The following SPEN variants were observed in gnomAD, a reference collection of about 807,000 sequenced individuals.
SPEN encodes the protein spen family transcriptional repressor.
SPEN carries 18 observed loss-of-function variants against 269.9 expected under a neutral mutation model. That is an observed-to-expected ratio of 0.07 (90% CI 0.05 to 0.10). SPEN has a LOEUF of 0.10. Ranked by LOEUF, SPEN falls within the 10% of genes least tolerant of loss-of-function variation. SPEN has a pLI of 1.00. For synonymous variants in SPEN, 1,726 were observed against 1,765.7 expected (o/e 0.98, Z 0.56); for missense variants, 3,822 against 4,631.2 (o/e 0.83, Z 5.07).
At chr1:15,859,741 T>G (rs1318513243) in intron 1 of SPEN, among the ~76,000 whole-genome samples, 1 of 152,034 alleles carries the variant, frequency 6.6e-6, no homozygotes, top group African/African-American at 2.4e-5. Flanking sequence ...ATTGGATTGA[T>G]TTGAAATTTG....
chr1:15,858,807 G>A (rs2070411892), intron 1 of SPEN, among the ~76,000 whole-genome samples: 1 of 151,980 alleles, frequency 6.6e-6, no homozygotes, highest in Non-Finnish European at 1.5e-5. Context: ...ACCCGGGCAC[G>A]ATGGCGCACA....
In SPEN at chr1:15,935,208, C is replaced by G. The variant is rs752974887; in HGVS notation, c.8968C>G (p.Leu2990Val). ...STLTPHHPPA[L>V]PSKLPTEVNH... The stretch of plus-strand genomic sequence containing the variant: ...GCTCACGCCCCACCACCCTCCTGCT[C>G]TGCCCAGCAAACTGCCTACAGAAGT... The change falls in exon 11 of 15, where the codon CTG becomes GTG. Residue 2990 changes from leucine (L) to valine (V), a missense_variant. Coordinates refer to ENST00000375759, the MANE Select transcript of SPEN (RefSeq NM_015001.3). The surrounding 1 kb of genome is among the most constrained non-coding windows in gnomAD (Gnocchi z 7.7). 1.7e-5 allele frequency: 28 copies of G among 1,614,040 alleles called. No homozygotes were observed. Among genetic ancestry groups the G allele is most frequent in the Middle Eastern group, 1.6e-4 (1 of 6,084 alleles).
At chr1:15,890,562 T>G (rs1055282296) in intron 3 of SPEN, among the ~76,000 whole-genome samples, 8 of 150,764 alleles carry the variant, frequency 5.3e-5, no homozygotes, top group South Asian at 2.1e-4. Context: ...ACTCAGGTTT[T>G]TTTTTTTTTT....
intron 3 of SPEN, among the ~76,000 whole-genome samples, chr1:15,877,637 A>G (rs1436939424): frequency 6.6e-6 from 1 of 151,856 alleles, no homozygotes; most frequent in East Asian, 1.9e-4. Context: ...CTTCAAACCT[A>G]GTTATATGGA....
chr1:15,906,196 C>G (rs1293510887), intron 3 of SPEN, among the ~76,000 whole-genome samples: 1 of 152,046 alleles, frequency 6.6e-6, no homozygotes, highest in Admixed American at 6.6e-5. Flanking sequence ...ATGACAATAT[C>G]GTATTCAGGA....
Position 15,934,501 on chromosome 1 carries a change from C to T in SPEN, c.8261C>T (p.Thr2754Met), listed in dbSNP as rs146330997. Residue 2754 changes from threonine (T) to methionine (M), a missense_variant, in exon 11 of 15, where the codon ACG becomes ATG. Coordinates refer to ENST00000375759, the MANE Select transcript of SPEN (RefSeq NM_015001.3). This position sits in a 1 kb window ranked among gnomAD's most constrained non-coding sequence, Gnocchi z 9.2. Reference protein sequence around the residue: ...GAVTAASGGVTATTGTVTMAG... With the variant: ...GAVTAASGGVMATTGTVTMAG... The stretch of plus-strand genomic sequence containing the variant: ...GTTACTGCTGCATCTGGTGGTGTAA[C>T]GGCCACAACAGGCACGGTGACAATG... 466 of 1,613,934 alleles carry T rather than the reference C, an allele frequency of 2.9e-4. 2 individuals are homozygous for T. Among genetic ancestry groups the T allele is most frequent in the South Asian group, 1.1e-4 (10 of 91,084 alleles).
chr1:15,850,052 G>C (rs1292959311), intron 1 of SPEN, among the ~76,000 whole-genome samples: 2 of 152,184 alleles, frequency 1.3e-5, no homozygotes, highest in African/African-American at 4.8e-5. Flanking sequence ...GAAGAAAGAG[G>C]AAATCGTCCC....
At chr1:15,860,593 G>A (rs939858082) in intron 1 of SPEN, among the ~76,000 whole-genome samples, 3 of 151,158 alleles carry the variant, frequency 2.0e-5, no homozygotes, top group Non-Finnish European at 4.4e-5. Context: ...AGGTGTGTGA[G>A]TCTGGCTATT....
At chr1:15,926,919 C>A (rs1320646882) in intron 10 of SPEN, among the ~76,000 whole-genome samples, 2 of 152,056 alleles carry the variant, frequency 1.3e-5, no homozygotes, top group African/African-American at 4.8e-5. Flanking sequence ...GTCTTGATCT[C>A]CTAACCTCGT....
In SPEN at chr1:15,913,377, C is replaced by T. The variant is rs183826914; in HGVS notation, c.1243+2076C>T. Reference sequence around the variant, plus strand: ...GGTTGTGAAGGTTAAGTGGACTACACGTGGAAAACTTTTTTTTTTGCTAAC... The same window carrying T: ...GGTTGTGAAGGTTAAGTGGACTACATGTGGAAAACTTTTTTTTTTGCTAAC... On this transcript the variant is annotated intron_variant, in intron 5 of 14. Coordinates refer to ENST00000375759, the MANE Select transcript of SPEN (RefSeq NM_015001.3). 4.0e-4 allele frequency among the ~76,000 whole-genome samples: 61 copies of T among 152,108 alleles called. 1 individual carries two copies. The highest frequency in any genetic ancestry group is 2.7e-3 in the Admixed American group (42 of 15,282).
intron 3 of SPEN, among the ~76,000 whole-genome samples, chr1:15,881,916 C>T (rs1329829184): frequency 1.3e-5 from 2 of 152,164 alleles, no homozygotes; most frequent in Non-Finnish European, 2.9e-5. Context: ...GTATAGTGGA[C>T]AAAATATAGC....
rs532796017 is a variant in SPEN at position 15,863,120 on chromosome 1, T to C, written c.84-9696T>C. On this transcript the variant is annotated intron_variant, in intron 1 of 14. Transcript: ENST00000375759. The stretch of plus-strand genomic sequence containing the variant: ...TAAAAGGTAGTTGGGCATGGTGGTA[T>C]GTACCTATAGTCCAGCTACTTGGAA... Among the ~76,000 whole-genome samples, 6 of 152,254 alleles carry C rather than the reference T, an allele frequency of 3.9e-5. No homozygotes were observed. In the East Asian group the frequency reaches 1.2e-3, roughly 30 times the overall value.
intron 3 of SPEN, among the ~76,000 whole-genome samples, chr1:15,904,452 CAAAAA>C (rs1215369183): frequency 1.0e-3 from 51 of 48,630 alleles, no homozygotes; most frequent in South Asian, 2.5e-3. Flanking sequence ...AACTCCATCT[CAAAAA>C]AAAAAAAAAA....
intron 1 of SPEN, among the ~76,000 whole-genome samples, chr1:15,865,138 G>A (rs555335611): frequency 7.9e-5 from 12 of 151,316 alleles, no homozygotes; most frequent in Admixed American, 2.6e-4. Context: ...CGCAACCTCC[G>A]CCTCCTGGGT....
chr1:15,860,147 G>A (rs1033437879), intron 1 of SPEN, among the ~76,000 whole-genome samples: 26 of 151,800 alleles, frequency 1.7e-4, no homozygotes, highest in African/African-American at 5.5e-4. Flanking sequence ...TCCTGACCTC[G>A]TGATCCGCCC....
intron 3 of SPEN, among the ~76,000 whole-genome samples, chr1:15,893,742 A>G (rs2070811553): frequency 6.6e-6 from 1 of 152,054 alleles, no homozygotes; most frequent in Non-Finnish European, 1.5e-5. Context: ...TTAAAAAAAA[A>G]CAAAAAAAAG....
chr1:15,865,345 G>A (rs554195632), intron 1 of SPEN, among the ~76,000 whole-genome samples: 25 of 149,936 alleles, frequency 1.7e-4, no homozygotes, highest in Non-Finnish European at 3.4e-4. Context: ...GAGCCACCAC[G>A]CCTGGCGAGT....
intron 10 of SPEN, among the ~76,000 whole-genome samples, chr1:15,927,118 A>G (rs1410258003): frequency 1.3e-5 from 2 of 152,228 alleles, no homozygotes; most frequent in Non-Finnish European, 2.9e-5. Flanking sequence ...TCTCTGTTAC[A>G]GGTGTATTTA....
Position 15,929,157 on chromosome 1 carries a change from G to A in SPEN, c.2917G>A (p.Val973Ile), listed in dbSNP as rs776265028. ...CAAGCCTGAGCAGCCTGCAGATGGG[G>A]TAAGTGCTGTGGATCTGGAGAAGCT... ...HLKPEQPADGVSAVDLEKLEA... is the reference protein window; with the variant it reads ...HLKPEQPADGISAVDLEKLEA... Residue 973 changes from valine (V) to isoleucine (I), a missense_variant, in exon 11 of 15, where the codon GTA becomes ATA. Physicochemically the swap from Val to Ile is conservative, Grantham distance 29. Coordinates refer to ENST00000375759, the MANE Select transcript of SPEN (RefSeq NM_015001.3). This position sits in a 1 kb window ranked among gnomAD's most constrained non-coding sequence, Gnocchi z 5.8. 2 of 1,614,208 alleles carry A rather than the reference G, an allele frequency of 1.2e-6. No individual in the cohort carries two copies. The highest frequency in any genetic ancestry group is 1.7e-6 in the Non-Finnish European group (2 of 1,180,026).
Sources: gnomAD v4.1 joint callset for allele counts (sites outside exome capture counted in the v4.1 genomes callset) on GRCh38, gnomAD v4.1.1 for gene constraint, Gnocchi (gnomAD v3.1) non-coding constraint, MANE v1.5 for transcripts, NCBI Gene and HGNC (gene_info 2026-07-23, HGNC 2026-07-21) for gene names.